Variants in KHDRBS2 observed in about 807,000 individuals in gnomAD.
KHDRBS2 encodes KH domain-containing, RNA-binding, signal transduction-associated protein 2.
KHDRBS2 carries 26 observed loss-of-function variants against 44.3 expected under a neutral mutation model. The ratio of observed to expected loss-of-function variants is 0.59; its 90% CI spans 0.43 to 0.81. The LOEUF is 0.81. KHDRBS2 is among the 40% of genes least tolerant of loss of function. The pLI is 0.00. For missense variants in KHDRBS2, 476 were observed against 433.1 expected, an observed-to-expected ratio of 1.10 and a Z score of -0.88; for synonymous variants, 194 against 151.1, an observed-to-expected ratio of 1.28 and a Z score of -2.08.
intron 6 of KHDRBS2, among the ~76,000 whole-genome samples, chr6:61,801,883 G>A (rs558355312): frequency 6.6e-6 from 1 of 152,226 alleles, no homozygotes; most frequent in Non-Finnish European, 1.5e-5. Flanking sequence ...ATGTAATTAA[G>A]ACCTCAATTC....
chr6:61,892,275 T>G (rs1360633671), intron 6 of KHDRBS2, among the ~76,000 whole-genome samples: 1 of 152,166 alleles, frequency 6.6e-6, no homozygotes, highest in Non-Finnish European at 1.5e-5. Flanking sequence ...TGGAAGAACA[T>G]TCCATGCTCA....
At chr6:61,848,552 C>CATATATATATGTATATATATATACATAT (rs1794926154) in intron 6 of KHDRBS2, among the ~76,000 whole-genome samples, 1 of 37,250 alleles carries the variant, frequency 2.7e-5, no homozygotes, top group Non-Finnish European at 5.1e-5. Context: ...TATATATATA[C>CATATATATATGTATATATATATACATAT]ATATATATAT....
At chr6:62,019,391 A>AT (rs1359051915) in intron 3 of KHDRBS2, among the ~76,000 whole-genome samples, 1 of 151,858 alleles carries the variant, frequency 6.6e-6, no homozygotes, top group Non-Finnish European at 1.5e-5. Context: ...TATAGTTTTT[A>AT]TTTTTATTTT....
At chr6:61,901,140 T>C (rs779132622) in intron 5 of KHDRBS2, 104 bp downstream of exon 5, 1 of 1,067,348 alleles carries the variant, frequency 9.4e-7, no homozygotes, top group Non-Finnish European at 1.4e-6. Context: ...TGGTAGTGAT[T>C]GTGGCTGATG....
chr6:62,085,572 G>A (rs1285745141), intron 2 of KHDRBS2, among the ~76,000 whole-genome samples: 1 of 152,098 alleles, frequency 6.6e-6, no homozygotes, highest in Non-Finnish European at 1.5e-5. Context: ...AGAGTTTAAT[G>A]TATAAATGAC....
chr6:62,147,813 C>T (rs1404391522), intron 2 of KHDRBS2, among the ~76,000 whole-genome samples: 2 of 151,942 alleles, frequency 1.3e-5, no homozygotes, highest in African/African-American at 4.8e-5. Flanking sequence ...CTTTGCTCTT[C>T]TCTATACCTG....
intron 6 of KHDRBS2, among the ~76,000 whole-genome samples, chr6:61,746,213 A>G (rs1406927185): frequency 4.6e-5 from 7 of 152,152 alleles, no homozygotes; most frequent in Admixed American, 2.0e-4. Context: ...ATGACTAAGA[A>G]CAGGATCAAG....
At position 61,746,031 on chromosome 6, in the gene KHDRBS2, GATTTT is replaced by G. The variant is rs1049285682; in HGVS notation, c.811-13272_811-13268del. 4.0e-5 allele frequency among the ~76,000 whole-genome samples: 6 copies of G among 150,270 alleles called. 1 individual carries two copies. The highest frequency in any genetic ancestry group is 8.9e-5 in the Non-Finnish European group (6 of 67,480). ...GTACTTAACGTTTTTTTCCCAAAAA[GATTTT>G]ATTTTATTTTAGTTTAGTTTAGTTT... On this transcript the variant is annotated intron_variant, in intron 6 of 8. Coordinates refer to ENST00000281156, the MANE Select transcript of KHDRBS2 (RefSeq NM_152688.4).
chr6:62,236,905 T>C (rs1425453383), intron 1 of KHDRBS2, among the ~76,000 whole-genome samples: 2 of 152,086 alleles, frequency 1.3e-5, no homozygotes, highest in Non-Finnish European at 2.9e-5. Flanking sequence ...TTTGGAATTA[T>C]CTTCATTTTT....
intron 1 of KHDRBS2, among the ~76,000 whole-genome samples, chr6:62,219,131 T>C (rs1475315765): frequency 6.6e-6 from 1 of 151,766 alleles, no homozygotes; most frequent in East Asian, 1.9e-4. Context: ...GTAACAAAAG[T>C]GCACTTGTAT....
intron 1 of KHDRBS2, among the ~76,000 whole-genome samples, chr6:62,275,483 A>T (rs9446139): frequency 0.17 from 25,962 of 152,152 alleles, 2,474 homozygotes; most frequent in African/African-American, 0.26. Context: ...AGGAATAAAC[A>T]TCATGGTAAA....
intron 3 of KHDRBS2, among the ~76,000 whole-genome samples, chr6:62,035,302 T>C (rs2127295355): frequency 6.6e-6 from 1 of 152,148 alleles, no homozygotes; most frequent in Middle Eastern, 3.4e-3. Flanking sequence ...TGGAGTACTA[T>C]TCAGCCACAA....
intron 1 of KHDRBS2, among the ~76,000 whole-genome samples, chr6:62,201,565 C>T (rs1363501353): frequency 6.6e-6 from 1 of 151,944 alleles, no homozygotes; most frequent in Non-Finnish European, 1.5e-5. Flanking sequence ...AGTATATTAA[C>T]AATAGAAGAC....
chr6:62,211,515 A>T (rs1438222138), intron 1 of KHDRBS2, among the ~76,000 whole-genome samples: 1 of 152,236 alleles, frequency 6.6e-6, no homozygotes, highest in East Asian at 1.9e-4. Context: ...TCACATTAAC[A>T]TTATACGAGG....
At chr6:62,186,176 C>T (rs1331986388) in intron 1 of KHDRBS2, among the ~76,000 whole-genome samples, 1 of 152,046 alleles carries the variant, frequency 6.6e-6, no homozygotes, top group African/African-American at 2.4e-5. Context: ...AGGCAATGAT[C>T]AATTTCTGCA....
intron 1 of KHDRBS2, among the ~76,000 whole-genome samples, chr6:62,225,779 C>A (rs559373809): frequency 2.0e-3 from 302 of 151,278 alleles, no homozygotes; most frequent in Middle Eastern, 0.014. Context: ...TGAGTGAGAA[C>A]ATGCAGTGTT....
intron 1 of KHDRBS2, among the ~76,000 whole-genome samples, chr6:62,256,349 T>C (rs1837391114): frequency 6.6e-6 from 1 of 152,008 alleles, no homozygotes; most frequent in East Asian, 1.9e-4. Context: ...TCTTGAATTG[T>C]AGCTCTCACA....
In KHDRBS2 at chr6:61,902,541, C is replaced by G. The variant is rs188391747; in HGVS notation, c.484-1170G>C. ...CACACACACACACTCTCACACACCC[C>G]TGGTTGAATAGTACAAAATTGAGTA... On this transcript the variant is annotated intron_variant, in intron 4 of 8. Coordinates refer to ENST00000281156, the MANE Select transcript of KHDRBS2 (RefSeq NM_152688.4). Among the ~76,000 whole-genome samples, 33 of 151,962 alleles carry G rather than the reference C, an allele frequency of 2.2e-4. No individual in the cohort carries two copies. The East Asian group carries it at 5.8e-3, about 27-fold the overall frequency.
At chr6:61,693,083 T>C (rs1031362315) in intron 8 of KHDRBS2, among the ~76,000 whole-genome samples, 1 of 152,120 alleles carries the variant, frequency 6.6e-6, no homozygotes, top group Non-Finnish European at 1.5e-5. Context: ...ATAACTATTA[T>C]TGATTTAAAA....
Sources: allele counts gnomAD v4.1 joint callset (sites outside exome capture counted in the v4.1 genomes callset), GRCh38; gene constraint gnomAD v4.1.1; transcripts MANE v1.5; gene names NCBI Gene and HGNC (gene_info 2026-07-23, HGNC 2026-07-21).